SATB2: variants seen among roughly 807,000 people sequenced by gnomAD.
The protein encoded by SATB2 is DNA-binding protein SATB2.
Under a neutral mutation model 73.4 loss-of-function variants are expected in SATB2, and 1 was observed. That is an observed-to-expected ratio of 0.01 (90% CI 0.00 to 0.06). The LOEUF (loss-of-function observed/expected upper bound fraction) is 0.06. Ranked by LOEUF, SATB2 falls within the 10% of genes least tolerant of loss-of-function variation. The pLI, the probability that SATB2 is intolerant of heterozygous loss-of-function variation, is 1.00. For missense variants in SATB2, 459 were observed against 945.8 expected, an observed-to-expected ratio of 0.49 and a Z score of 6.75; for synonymous variants, 397 against 367.0, an observed-to-expected ratio of 1.08 and a Z score of -0.93.
At chr2:199,280,810 CCT>C (rs1257527591) in intron 10 of SATB2, among the ~76,000 whole-genome samples, 5 of 152,160 alleles carry the variant, frequency 3.3e-5, no homozygotes, top group South Asian at 2.1e-4. Context: ...TAATTTCGCC[CCT>C]GTCCTGTGGT....
intron 7 of SATB2, among the ~76,000 whole-genome samples, chr2:199,336,602 C>T (rs563992945): frequency 6.6e-6 from 1 of 152,306 alleles, no homozygotes; most frequent in East Asian, 1.9e-4. Context: ...ATTATTCTTT[C>T]CTGCTGAAAT....
upstream of SATB2, among the ~76,000 whole-genome samples, chr2:199,459,364 A>T (rs1305685309): frequency 3.9e-5 from 6 of 151,980 alleles, no homozygotes; most frequent in African/African-American, 1.2e-4. The surrounding 1 kb of genome is among the most constrained non-coding windows in gnomAD (Gnocchi z 4.2). Flanking sequence ...CGCGGTGCTC[A>T]TTTAAGGTGG....
In SATB2 at chr2:199,463,664, G is replaced by A. The variant is rs1207211319; in HGVS notation, c.-141+1172C>T. Among the ~76,000 whole-genome samples, 1 of 152,196 alleles carries A rather than the reference G, an allele frequency of 6.6e-6. No homozygotes were observed. Among genetic ancestry groups the A allele is most frequent in the Non-Finnish European group, 1.5e-5 (1 of 68,024 alleles). On this transcript the variant is annotated intron_variant, in intron 1 of 11. Transcript: ENST00000260926. The surrounding 1 kb of genome is among the most constrained non-coding windows in gnomAD (Gnocchi z 6.4). ...GCGTCGCCTGCAGTCCACGGGTTAA[G>A]GATGTGGCGGGGGATGGGCAGGTCC...
chr2:199,324,542 A>G (rs1651073594), intron 8 of SATB2, among the ~76,000 whole-genome samples: 1 of 152,168 alleles, frequency 6.6e-6, no homozygotes, highest in South Asian at 2.1e-4. Flanking sequence ...TTCATTTCAT[A>G]AAACTAGGCT....
chr2:199,306,244 T>C (rs1040095033), intron 10 of SATB2, among the ~76,000 whole-genome samples: 1 of 152,190 alleles, frequency 6.6e-6, no homozygotes, highest in African/African-American at 2.4e-5. Context: ...GTGTCAGTTA[T>C]TTTTCTTCAC....
At chr2:199,327,716 A>G (rs936821688) in intron 8 of SATB2, among the ~76,000 whole-genome samples, 1 of 152,132 alleles carries the variant, frequency 6.6e-6, no homozygotes, top group East Asian at 1.9e-4. Flanking sequence ...AGGGCCTAAG[A>G]AAAGAATACT....
intron 6 of SATB2, among the ~76,000 whole-genome samples, chr2:199,362,881 G>A (rs990705823): frequency 2.0e-5 from 3 of 152,148 alleles, no homozygotes; most frequent in African/African-American, 4.8e-5. Flanking sequence ...AGGGAGGGGC[G>A]TAAGGAAATA....
chr2:199,355,336 G>GTATCTATATA (rs1230229456), intron 6 of SATB2, among the ~76,000 whole-genome samples: 1 of 94,036 alleles, frequency 1.1e-5, no homozygotes, highest in African/African-American at 4.1e-5. Flanking sequence ...GTGTGTGTGT[G>GTATCTATATA]TGTGTGTGTA....
Position 199,399,479 on chromosome 2 carries a change from T to C in SATB2, c.347-17659A>G, listed in dbSNP as rs1690404928. ...CTGCATGCCAGACCCTTTATCATTG[T>C]ATTAATTTTCACAAAAATCCTACAA... On this transcript the variant is annotated intron_variant, in intron 3 of 10. Coordinates refer to ENST00000417098, the MANE Select transcript of SATB2 (RefSeq NM_001172509.2). 1.3e-5 allele frequency among the ~76,000 whole-genome samples: 2 copies of C among 152,182 alleles called. 1 individual carries two copies. Among genetic ancestry groups the C allele is most frequent in the African/African-American group, 4.8e-5 (2 of 41,446 alleles).
At chr2:199,366,137 T>G (rs1471298579) in intron 6 of SATB2, among the ~76,000 whole-genome samples, 2 of 152,108 alleles carry the variant, frequency 1.3e-5, no homozygotes, top group Non-Finnish European at 2.9e-5. Context: ...GAAGTGCATG[T>G]AAATTGGTAA....
intron 2 of SATB2, among the ~76,000 whole-genome samples, chr2:199,454,743 A>G (rs1692224303): frequency 6.6e-6 from 1 of 152,178 alleles, no homozygotes; most frequent in Admixed American, 6.5e-5. Context: ...AAAAAATACG[A>G]TTTTATAAAA....
At chr2:199,357,869 T>C (rs1003769670) in intron 6 of SATB2, among the ~76,000 whole-genome samples, 1 of 152,104 alleles carries the variant, frequency 6.6e-6, no homozygotes, top group Admixed American at 6.6e-5. Context: ...ATAAATTCTA[T>C]AAATAGAAAT....
At chr2:199,461,491 GAA>G (rs1490692088), upstream of SATB2, among the ~76,000 whole-genome samples, 2 of 152,168 alleles carry the variant, frequency 1.3e-5, no homozygotes, top group Non-Finnish European at 2.9e-5. Context: ...AAAATCACGA[GAA>G]AAGAGTTGTT....
At chr2:199,288,016 T>C (rs1033700087) in intron 10 of SATB2, among the ~76,000 whole-genome samples, 2 of 152,204 alleles carry the variant, frequency 1.3e-5, no homozygotes, top group Non-Finnish European at 2.9e-5. Flanking sequence ...TTAGTGTGAA[T>C]AAACACCTTC....
chr2:199,323,893 T>C lies in SATB2; in HGVS notation c.1452A>G (p.Thr484=), dbSNP rs2105789191. 6.8e-6 allele frequency: 11 copies of C among 1,613,520 alleles called. No homozygotes were observed. Among genetic ancestry groups the C allele is most frequent in the Non-Finnish European group, 9.3e-6 (11 of 1,179,630 alleles). The change falls in exon 9 of 11, where the codon ACA becomes ACG. Residue 484 remains threonine (T), a synonymous_variant. Coordinates refer to ENST00000417098, the MANE Select transcript of SATB2 (RefSeq NM_001172509.2). ...IKVDGANINI[T]AAIYDEIQQE... ...GTTGGATCTCGTCATAAATGGCAGC[T>C]GTGATGTTGATGTTGGCGCCGTCCA...
chr2:199,370,895 C>T (rs561486042), intron 5 of SATB2, among the ~76,000 whole-genome samples: 1 of 149,332 alleles, frequency 6.7e-6, no homozygotes, highest in East Asian at 2.0e-4. Flanking sequence ...AAGTTGTTAC[C>T]TCTACTGATC....
intron 3 of SATB2, among the ~76,000 whole-genome samples, chr2:199,400,748 C>T (rs10931865): frequency 0.096 from 14,678 of 152,106 alleles, 1,067 homozygotes; most frequent in South Asian, 0.32. Flanking sequence ...GACAGTTTTT[C>T]GAGATTACAC....
At chr2:199,407,288 CAAAAAAA>C (rs34954916) in intron 3 of SATB2, among the ~76,000 whole-genome samples, 5 of 77,536 alleles carry the variant, frequency 6.4e-5, no homozygotes, top group Non-Finnish European at 1.4e-4. Context: ...TCTTGTCTCC[CAAAAAAA>C]AAAAAAAAAA....
chr2:199,400,178 G>A (rs984870424), intron 3 of SATB2, among the ~76,000 whole-genome samples: 3 of 152,138 alleles, frequency 2.0e-5, no homozygotes, highest in South Asian at 2.1e-4. Context: ...TACTCATGAG[G>A]TGAAAAACTA....
Sources: gnomAD v4.1 joint callset for allele counts (sites outside exome capture counted in the v4.1 genomes callset) on GRCh38, gnomAD v4.1.1 for gene constraint, Gnocchi (gnomAD v3.1) non-coding constraint, MANE v1.5 for transcripts, NCBI Gene and HGNC (gene_info 2026-07-23, HGNC 2026-07-21) for gene names.